Variants in SH3TC1 observed in about 807,000 individuals in gnomAD.
SH3TC1 encodes the protein SH3 domain and tetratricopeptide repeats 1, also known as SH3 domain and tetratricopeptide repeat-containing protein 1.
SH3TC1 carries 135 observed loss-of-function variants against 117.3 expected under a neutral mutation model. The observed-to-expected ratio is 1.15, with a 90% CI of 1.00 to 1.33. The LOEUF (loss-of-function observed/expected upper bound fraction) is 1.33. SH3TC1 is among the 40% of genes most tolerant of loss of function. SH3TC1 has a pLI of 0.00. For missense variants in SH3TC1, 2,092 were observed against 1,794.3 expected, an observed-to-expected ratio of 1.17 and a Z score of -3.00; for synonymous variants, 898 against 816.9, an observed-to-expected ratio of 1.10 and a Z score of -1.69.
rs141656771 is a variant in SH3TC1, at chr4:8,235,489, T to C, written c.3339T>C (p.Phe1113=). ...TGDPNLGLEL[F]EAAGDIFFDG... is the part of the protein sequence containing the mutation. ...ACCCCAACCTGGGGCTGGAGCTGTT[T>C]GAGGCGGCTGGAGACATCTTCTTCG... is the stretch of plus-strand genomic sequence containing the variant. The change falls in exon 15 of 18, where the codon TTT becomes TTC. Residue 1113 remains phenylalanine, a synonymous_variant. Transcript: ENST00000245105. 4,539 of 1,605,758 alleles carry C rather than the reference T, an allele frequency of 2.8e-3. 97 individuals carry two copies. In the African/African-American group the frequency reaches 0.053, roughly 19 times the overall value.
In SH3TC1 at chr4:8,190,021, G is replaced by C. The variant is rs1717366865; in HGVS notation, c.-57+7811G>C. ...GGTGACCTGTGCCTGGGTAGTTTTG[G>C]GGAGCGCGGCGTGGGTGCGTTGATG... On this transcript the variant is annotated intron_variant, in intron 1 of 16. Coordinates refer to the SH3TC1 transcript ENST00000508641. This position sits in a 1 kb window ranked among gnomAD's most constrained non-coding sequence, Gnocchi z 4.7. Among the ~76,000 whole-genome samples the C allele has an allele frequency of 1.3e-5, 2 of 152,226 alleles. No individual in the cohort carries two copies. The highest frequency in any genetic ancestry group is 4.8e-5 in the African/African-American group (2 of 41,454).
rs1427474225 is a variant in SH3TC1 at position 8,228,005 on chromosome 4, C to T, written c.2311C>T (p.Gln771Ter). The change falls in exon 12 of 18, where the codon CAA (glutamine) becomes TAA (stop). Residue 771 changes from glutamine (Q) to a stop codon, truncating the protein, a stop_gained. Transcript: ENST00000245105. LOFTEE classifies it high-confidence loss of function. ...TGCCCAAACTTCCCACTACCTCAGG[C>T]AAGCGCTGGCCTCCCTGACCCCGGG... is the stretch of plus-strand genomic sequence containing the variant. ...LPAQTSHYLR[Q>*]ALASLTPGTG... 5.0e-6 allele frequency: 8 copies of T among 1,611,894 alleles called. No individual in the cohort carries two copies. The highest frequency in any genetic ancestry group is 1.7e-5 in the Admixed American group (1 of 59,992).
chr4:8,234,582 C>CCCATCCAT lies in SH3TC1; in HGVS notation c.3283-834_3283-827dup, dbSNP rs369852001. ...GCTCATCCATTTATCCATCCATCCACCCATCCATCCATCCATCCATCCATG... is the reference window on the plus strand; with the variant it reads ...GCTCATCCATTTATCCATCCATCCACCCATCCATCCATCCATCCATCCATCCATCCATG... On this transcript the variant is annotated intron_variant, in intron 14 of 17. Coordinates refer to ENST00000245105, the MANE Select transcript of SH3TC1 (RefSeq NM_018986.5). Among the ~76,000 whole-genome samples the CCCATCCAT allele has an allele frequency of 6.5e-5, 5 of 76,722 alleles. No homozygotes were observed. The East Asian group carries it at 1.8e-3, about 27-fold the overall frequency. 50.3% of individuals were successfully genotyped at this position (76,722 alleles called of 152,430 possible). A position where few individuals can be genotyped will look rare whatever the true frequency, so the allele number is the denominator to read the frequency against.
At chr4:8,237,013 A>G in intron 16 of SH3TC1, 1 of 169,032 alleles carries the variant, frequency 5.9e-6, no homozygotes, top group East Asian at 1.7e-4. Context: ...TGAAAAGGGG[A>G]GGACACCGGA....
intron 1 of SH3TC1, among the ~76,000 whole-genome samples, chr4:8,204,228 A>T (rs1718018556): frequency 6.6e-6 from 1 of 152,206 alleles, no homozygotes; most frequent in African/African-American, 2.4e-5. Flanking sequence ...CGCACCGGAA[A>T]GTCTGTCCCA....
intron 17 of SH3TC1, among the ~76,000 whole-genome samples, chr4:8,238,370 G>T (rs945384465): frequency 1.3e-5 from 2 of 152,220 alleles, no homozygotes; most frequent in Admixed American, 1.3e-4. Flanking sequence ...CCCTGCAGGG[G>T]TGGAGAACTG....
chr4:8,201,028 T>G (rs1717795512), intron 1 of SH3TC1, among the ~76,000 whole-genome samples: 1 of 152,072 alleles, frequency 6.6e-6, no homozygotes, highest in Non-Finnish European at 1.5e-5. Context: ...TCTGGGGGCA[T>G]GAATTTTGAA....
At chr4:8,200,643 G>T (rs1035388279) in intron 1 of SH3TC1, among the ~76,000 whole-genome samples, 2 of 152,222 alleles carry the variant, frequency 1.3e-5, no homozygotes, top group Admixed American at 6.5e-5. Context: ...GCCCAGCAGC[G>T]CACGGGTGCG....
Position 8,210,746 on chromosome 4 carries a change from G to GAA in SH3TC1, c.247+951_247+952dup, listed in dbSNP as rs56288444. On this transcript the variant is annotated intron_variant, in intron 3 of 17. Coordinates refer to ENST00000245105, the MANE Select transcript of SH3TC1 (RefSeq NM_018986.5). The surrounding 1 kb of genome is among the most constrained non-coding windows in gnomAD (Gnocchi z 4.1). ...TTGCACTCCAGCCTGGGCAACTTCTGAAAAAAAAAAAAAAAAAAAAAAAAA... is the reference window on the plus strand; with the variant it reads ...TTGCACTCCAGCCTGGGCAACTTCTGAAAAAAAAAAAAAAAAAAAAAAAAAAA... 5.0e-5 allele frequency among the ~76,000 whole-genome samples: 2 copies of GAA among 39,796 alleles called. No homozygotes were observed. The highest frequency in any genetic ancestry group is 2.0e-4 in the African/African-American group (2 of 10,206). The allele number at this position is 39,796 out of a possible 152,430, so 26.1% of individuals were successfully genotyped here.
In SH3TC1 at chr4:8,232,432, G is replaced by A. The variant is rs570654825; in HGVS notation, c.3131+276G>A. 2.6e-4 allele frequency: 404 copies of A among 1,539,722 alleles called. 3 individuals carry two copies. In the South Asian group the frequency reaches 3.8e-3, roughly 14 times the overall value. On this transcript the variant is annotated intron_variant, in intron 13 of 17. Transcript: ENST00000245105. ...GGTCATCTCAACCCCAGCAGAAGCA[G>A]TTACATGCATTCTGGGCTGTTCTTC...
chr4:8,215,198 G>A, intron 5 of SH3TC1: 1 of 456,272 alleles, frequency 2.2e-6, no homozygotes, highest in Non-Finnish European at 4.4e-6. Context: ...CCGTCCAGTG[G>A]CCTCAGTGCT....
intron 10 of SH3TC1, 152 bp downstream of exon 10, chr4:8,223,122 G>T: frequency 1.8e-6 from 2 of 1,142,392 alleles, no homozygotes; most frequent in Non-Finnish European, 2.4e-6. Flanking sequence ...GCACATAGGG[G>T]CTGCAGACAA....
At chr4:8,237,363 G>A (rs992276398) in intron 16 of SH3TC1, 111 bp from the exon 17 acceptor site, 4 of 921,412 alleles carry the variant, frequency 4.3e-6, no homozygotes, top group Non-Finnish European at 6.2e-6. Flanking sequence ...GGACTGGCCA[G>A]AACTGCCCAG....
At chr4:8,213,431 T>C (rs1477817313) in intron 4 of SH3TC1, among the ~76,000 whole-genome samples, 1 of 152,168 alleles carries the variant, frequency 6.6e-6, no homozygotes, top group East Asian at 1.9e-4. Flanking sequence ...GGAGCTGACT[T>C]GAGGGTTATG....
In SH3TC1 at chr4:8,225,278, G is replaced by T; in HGVS notation, c.1285+62G>T. On this transcript the variant is annotated intron_variant, in intron 11 of 17. Transcript: ENST00000245105. The surrounding 1 kb of genome is among the most constrained non-coding windows in gnomAD (Gnocchi z 5.5). The stretch of plus-strand genomic sequence containing the variant: ...TGAGCTGGGCCTTGGGGTAACGCTG[G>T]GGGAGGTGACAAAGCTGAGCACGGT... 6.4e-7 allele frequency: 1 copy of T among 1,564,988 alleles called. No individual in the cohort carries two copies. Among genetic ancestry groups the T allele is most frequent in the Non-Finnish European group, 8.7e-7 (1 of 1,147,544 alleles).
chr4:8,208,198 A>G (rs1718359532), intron 2 of SH3TC1, among the ~76,000 whole-genome samples: 1 of 152,170 alleles, frequency 6.6e-6, no homozygotes, highest in South Asian at 2.1e-4. Context: ...ACAGGGAGTG[A>G]ATCTCCAGGC....
At position 8,234,167 on chromosome 4, in the gene SH3TC1, TCATC is replaced by T. The variant is rs796119480; in HGVS notation, c.3282+667_3282+670del. On this transcript the variant is annotated intron_variant, in intron 14 of 17. Coordinates refer to ENST00000245105, the MANE Select transcript of SH3TC1 (RefSeq NM_018986.5). ...ATTCATCCATCCATCCATCCTTCCA[TCATC>T]CATCCATCCATCATCCATCCATTCA... 3.3e-3 allele frequency among the ~76,000 whole-genome samples: 229 copies of T among 69,474 alleles called. 8 individuals carry two copies. In the South Asian group the frequency reaches 0.067, roughly 20 times the overall value. The allele number at this position is 69,474 out of a possible 152,430, so 45.6% of individuals were successfully genotyped here.
At chr4:8,232,897 C>A in intron 13 of SH3TC1, 1 of 1,203,622 alleles carries the variant, frequency 8.3e-7, no homozygotes, top group South Asian at 1.5e-5. Flanking sequence ...ATCCATGTCA[C>A]CTAGGAGCTT....
intron 14 of SH3TC1, among the ~76,000 whole-genome samples, chr4:8,234,348 ATT>A (rs780319918): frequency 1.4e-5 from 2 of 147,314 alleles, no homozygotes; most frequent in African/African-American, 5.0e-5. Flanking sequence ...CTGTCTGTCC[ATT>A]TGTTTATCCA....
Sources: allele counts gnomAD v4.1 joint callset (sites outside exome capture counted in the v4.1 genomes callset), GRCh38; gene constraint gnomAD v4.1.1; non-coding constraint Gnocchi (gnomAD v3.1); transcripts MANE v1.5; gene names NCBI Gene and HGNC (gene_info 2026-07-23, HGNC 2026-07-21).